The following MGAM variants were observed in gnomAD, a reference collection of about 807,000 sequenced individuals.
MGAM encodes alpha-1,4-glucosidase.
A neutral mutation model predicts 358.8 loss-of-function variants in MGAM; 253 were observed. The observed-to-expected ratio is 0.71, with a 90% CI of 0.64 to 0.78. The LOEUF (loss-of-function observed/expected upper bound fraction) is 0.78. Among genes scored for constraint, MGAM ranks in the 30% least tolerant of loss-of-function variants. MGAM has a pLI of 0.00. For missense variants in MGAM, 3,080 were observed against 3,432.6 expected (o/e 0.90, Z 2.57); for synonymous variants, 1,105 against 1,227.1 (o/e 0.90, Z 2.08).
chr7:142,097,501 A>G, intron 65 of MGAM, 92 bp from the exon 66 acceptor site: 1 of 1,287,994 alleles, frequency 7.8e-7, no homozygotes, highest in Non-Finnish European at 1.1e-6. Context: ...GCCCAAGGCC[A>G]TCACAATTAT....
At chr7:142,021,821 A>G in intron 6 of MGAM, 84 bp downstream of exon 6, 2 of 1,420,330 alleles carry the variant, frequency 1.4e-6, no homozygotes, top group Middle Eastern at 1.8e-4. Flanking sequence ...TGTTTCAACA[A>G]TATTCCTGAA....
rs1813624032 is a variant in MGAM, at chr7:142,074,970, A to C, written c.5275+797A>C. Among the ~76,000 whole-genome samples the C allele has an allele frequency of 1.4e-5, 2 of 146,142 alleles. 1 individual carries two copies. Among genetic ancestry groups the C allele is most frequent in the Admixed American group, 1.4e-4 (2 of 14,544 alleles). On this transcript the variant is annotated intron_variant, in intron 45 of 70. Coordinates refer to ENST00000475668, the MANE Select transcript of MGAM (RefSeq NM_001365693.1). The stretch of plus-strand genomic sequence containing the variant: ...CCAGAACTTATTCATCTAAGAACTG[A>C]AAGTTTGTACCCTTGACCATCATCT...
At chr7:142,081,246 TAAA>T (rs1158674133) in intron 50 of MGAM, among the ~76,000 whole-genome samples, 1 of 146,364 alleles carries the variant, frequency 6.8e-6, no homozygotes, top group African/African-American at 2.4e-5. Flanking sequence ...AAATAATAAG[TAAA>T]TAACAGAGAT....
intron 70 of MGAM, among the ~76,000 whole-genome samples, chr7:142,103,881 G>C (rs1816637590): frequency 6.7e-6 from 1 of 150,116 alleles, no homozygotes. Flanking sequence ...TTTTGAGACG[G>C]AGTCTCACTC....
At chr7:142,059,113 A>G (rs1032029325) in intron 31 of MGAM, among the ~76,000 whole-genome samples, 1 of 152,210 alleles carries the variant, frequency 6.6e-6, no homozygotes, top group African/African-American at 2.4e-5. Context: ...TTTCCTAAAC[A>G]TGAACCACTG....
intron 68 of MGAM, 100 bp downstream of exon 68, chr7:142,100,990 G>A: frequency 9.2e-7 from 1 of 1,086,972 alleles, no homozygotes; most frequent in Non-Finnish European, 1.3e-6. Context: ...TAACAATTTT[G>A]CATTTTAAAA....
chr7:142,015,729 T>G (rs1584919579), intron 3 of MGAM, among the ~76,000 whole-genome samples: 1 of 151,024 alleles, frequency 6.6e-6, no homozygotes, highest in Non-Finnish European at 1.5e-5. Flanking sequence ...ATCACTTAGG[T>G]TTTTTTTTCT....
At position 142,058,253 on chromosome 7, in the gene MGAM, G is replaced by C. The variant is rs758618502; in HGVS notation, c.3744G>C (p.Leu1248=). Reference sequence around the variant, plus strand: ...CTTACTGGTCTTTGGGGTTCCAGCTGTGTCGCTATGGCTACCAGAATGACT... The same window carrying C: ...CTTACTGGTCTTTGGGGTTCCAGCTCTGTCGCTATGGCTACCAGAATGACT... ...MVPYWSLGFQ[L]CRYGYQNDSE... is the part of the protein sequence containing the mutation. Residue 1248 remains leucine, a synonymous_variant, in exon 31 of 71, where the codon CTG becomes CTC. Coordinates refer to ENST00000475668, the MANE Select transcript of MGAM (RefSeq NM_001365693.1). 1.2e-6 allele frequency: 2 copies of C among 1,613,950 alleles called. No homozygotes were observed. Among genetic ancestry groups the C allele is most frequent in the African/African-American group, 1.3e-5 (1 of 75,048 alleles).
At chr7:142,103,248 C>T in intron 69 of MGAM, 21 bp from the exon 70 acceptor site, 2 of 1,544,056 alleles carry the variant, frequency 1.3e-6, no homozygotes, top group East Asian at 2.3e-5. Context: ...TTATATTTTT[C>T]TTTTATCTCC....
At chr7:142,057,735 C>T (rs1811700946) in intron 30 of MGAM, among the ~76,000 whole-genome samples, 1 of 152,102 alleles carries the variant, frequency 6.6e-6, no homozygotes, top group South Asian at 2.1e-4. Flanking sequence ...GTGCGCATCA[C>T]TGATTTATCA....
intron 68 of MGAM, among the ~76,000 whole-genome samples, chr7:142,102,260 G>T (rs73739161): frequency 6.6e-6 from 1 of 152,034 alleles, no homozygotes; most frequent in Non-Finnish European, 1.5e-5. Context: ...TGTACATACA[G>T]CAAAAGAAAC....
intron 21 of MGAM, among the ~76,000 whole-genome samples, chr7:142,042,058 TACATATAATATATA>T (rs1808834666): frequency 1.3e-5 from 1 of 74,100 alleles, no homozygotes; most frequent in Non-Finnish European, 2.3e-5. Flanking sequence ...ATAATATATA[TACATATAATATATA>T]ACATACAATA....
intron 21 of MGAM, among the ~76,000 whole-genome samples, chr7:142,041,899 T>C (rs1808634346): frequency 2.3e-5 from 1 of 42,610 alleles, no homozygotes; most frequent in African/African-American, 1.6e-4. Context: ...ATATATAATA[T>C]ATATATTATA....
intron 3 of MGAM, among the ~76,000 whole-genome samples, chr7:142,015,104 A>G (rs1262041540): frequency 6.6e-6 from 1 of 152,080 alleles, no homozygotes; most frequent in Non-Finnish European, 1.5e-5. Flanking sequence ...TGAGGATTAT[A>G]AAATAGTGTT....
intron 69 of MGAM, 147 bp from the exon 70 acceptor site, chr7:142,103,122 T>C (rs983713786): frequency 2.7e-6 from 2 of 737,784 alleles, no homozygotes; most frequent in African/African-American, 1.8e-5. Flanking sequence ...CATAGAGTGA[T>C]GAAATCATGA....
In MGAM at chr7:142,085,912, C is replaced by T; in HGVS notation, c.6587C>T (p.Ala2196Val). The T allele has an allele frequency of 6.4e-7, 1 of 1,566,322 alleles. No homozygotes were observed. The highest frequency in any genetic ancestry group is 1.1e-5 in the South Asian group (1 of 89,356). The change falls in exon 55 of 71, where the codon GCT becomes GTT. Residue 2196 changes from alanine to valine, a missense_variant. Ala to Val is a moderately conservative substitution (Grantham distance 64, BLOSUM62 0). Transcript: ENST00000475668. ...TLSPKFAGFP[A>V]LINRMKADGM... The stretch of plus-strand genomic sequence containing the variant: ...AGCCCCAAGTTTGCCGGGTTTCCAG[C>T]TCTGATCAATCGCATGAAGGCTGAT...
intron 1 of MGAM, among the ~76,000 whole-genome samples, chr7:142,002,401 T>C (rs1804803017): frequency 2.0e-5 from 3 of 152,046 alleles, no homozygotes; most frequent in Admixed American, 6.6e-5. Flanking sequence ...ATTACAGATA[T>C]GCAAGGATGA....
chr7:142,098,107 A>G (rs976667796), intron 66 of MGAM, among the ~76,000 whole-genome samples: 9 of 152,228 alleles, frequency 5.9e-5, no homozygotes, highest in African/African-American at 2.2e-4. Flanking sequence ...AGGGCACTGC[A>G]CATAATTACC....
At chr7:142,045,613 T>TAATA (rs369745021) in intron 21 of MGAM, among the ~76,000 whole-genome samples, 1 of 76,242 alleles carries the variant, frequency 1.3e-5, no homozygotes, top group Admixed American at 1.8e-4. Context: ...ATAATATATA[T>TAATA]TATATACATA....
Sources: allele counts gnomAD v4.1 joint callset (sites outside exome capture counted in the v4.1 genomes callset), GRCh38; gene constraint gnomAD v4.1.1; transcripts MANE v1.5; gene names NCBI Gene and HGNC (gene_info 2026-07-23, HGNC 2026-07-21).